The following CNKSR3 variants were observed in gnomAD, a reference collection of about 807,000 sequenced individuals.
CNKSR3 encodes the protein CNKSR family member 3.
A neutral mutation model predicts 67.7 loss-of-function variants in CNKSR3; 36 were observed. The observed-to-expected ratio is 0.53, with a 90% CI of 0.41 to 0.70. CNKSR3 has a LOEUF of 0.70. Among genes scored for constraint, CNKSR3 ranks in the 30% least tolerant of loss-of-function variants. The probability of loss-of-function intolerance (pLI) is 0.00; values close to 1 mark genes in which losing one functional copy is unlikely to be tolerated. For missense variants in CNKSR3, 630 were observed against 695.2 expected (o/e 0.91, Z 1.05); for synonymous variants, 281 against 271.4 (o/e 1.04, Z -0.35).
rs148879132 is a variant in CNKSR3, at chr6:154,478,176, C to T, written c.53-27918G>A. 9.7e-4 allele frequency among the ~76,000 whole-genome samples: 148 copies of T among 152,318 alleles called. 1 individual carries two copies. Among genetic ancestry groups the T allele is most frequent in the Middle Eastern group, 3.4e-3 (1 of 294 alleles). ...AAGGCCTCCCAAAGCTGGCCCGAGG[C>T]CTGCTGGCCAAGCTCCTCCTCCGCC... is the stretch of plus-strand genomic sequence containing the variant. On this transcript the variant is annotated intron_variant, in intron 1 of 12. Coordinates refer to ENST00000607772, the MANE Select transcript of CNKSR3 (RefSeq NM_173515.4).
chr6:154,491,835 G>A lies in CNKSR3; in HGVS notation c.52+18228C>T, dbSNP rs529641233. On this transcript the variant is annotated intron_variant, in intron 1 of 12. Transcript: ENST00000607772. Reference sequence around the variant, plus strand: ...ACCCAGTTCAGGGAGGGCATAACATGTCCCCATTTATCAGATATCTAGTTA... The same window carrying A: ...ACCCAGTTCAGGGAGGGCATAACATATCCCCATTTATCAGATATCTAGTTA... Among the ~76,000 whole-genome samples, 3 of 152,268 alleles carry A rather than the reference G, an allele frequency of 2.0e-5. No homozygotes were observed. In the South Asian group the frequency reaches 6.2e-4, roughly 32 times the overall value.
rs114161873 is a variant in CNKSR3, at chr6:154,479,968, C to A, written c.53-29710G>T. On this transcript the variant is annotated intron_variant, in intron 1 of 12. Coordinates refer to ENST00000607772, the MANE Select transcript of CNKSR3 (RefSeq NM_173515.4). ...ACAGACTGGGGGTTTAACTGCACTGCAGTGGCCCTTGTGGGGCAGGAACAG... is the reference window on the plus strand; with the variant it reads ...ACAGACTGGGGGTTTAACTGCACTGAAGTGGCCCTTGTGGGGCAGGAACAG... 2.3e-3 allele frequency among the ~76,000 whole-genome samples: 354 copies of A among 152,298 alleles called. 3 individuals carry two copies. The highest frequency in any genetic ancestry group is 8.3e-3 in the African/African-American group (343 of 41,550).
intron 1 of CNKSR3, among the ~76,000 whole-genome samples, chr6:154,504,824 G>A (rs1002144366): frequency 1.3e-5 from 2 of 151,706 alleles, no homozygotes; most frequent in Admixed American, 1.3e-4. Flanking sequence ...CTGGGCAACA[G>A]AGTGAGACCC....
intron 2 of CNKSR3, among the ~76,000 whole-genome samples, chr6:154,445,244 T>G (rs913049982): frequency 6.6e-6 from 1 of 152,198 alleles, no homozygotes; most frequent in Non-Finnish European, 1.5e-5. Context: ...TTTCAAAATA[T>G]AAATGAATAT....
intron 1 of CNKSR3, among the ~76,000 whole-genome samples, chr6:154,491,355 G>C (rs944914491): frequency 1.3e-5 from 2 of 152,192 alleles, no homozygotes; most frequent in Non-Finnish European, 2.9e-5. Context: ...TTGACAAACG[G>C]TAGGTACTCA....
intron 1 of CNKSR3, among the ~76,000 whole-genome samples, chr6:154,470,072 G>A (rs1224938673): frequency 6.6e-6 from 1 of 151,320 alleles, no homozygotes; most frequent in East Asian, 1.9e-4. Flanking sequence ...CATTGTTCAA[G>A]GGTCTACTGT....
At chr6:154,461,203 C>G (rs894139042) in intron 1 of CNKSR3, among the ~76,000 whole-genome samples, 1 of 152,028 alleles carries the variant, frequency 6.6e-6, no homozygotes, top group Non-Finnish European at 1.5e-5. Flanking sequence ...AAAGCAAATC[C>G]CAGAGACTAT....
rs747618793 is a variant in CNKSR3, at chr6:154,510,047, C to G, written c.52+16G>C. 10 of 1,613,944 alleles carry G rather than the reference C, an allele frequency of 6.2e-6. No homozygotes were observed. The highest frequency in any genetic ancestry group is 1.3e-5 in the African/African-American group (1 of 74,932). ...CCGAGGCTGGAGGACTCCGGACCCC[C>G]CCAAGGCCCGCGCACCTCTAGTCCA... On this transcript the variant is annotated intron_variant, in intron 1 of 12. Transcript: ENST00000607772.
chr6:154,470,130 C>G (rs1786291233), intron 1 of CNKSR3, among the ~76,000 whole-genome samples: 1 of 150,982 alleles, frequency 6.6e-6, no homozygotes, highest in African/African-American at 2.4e-5. Flanking sequence ...TACCCACGAG[C>G]CATCATTCTT....
intron 3 of CNKSR3, 139 bp downstream of exon 3, chr6:154,441,949 T>A: frequency 1.4e-6 from 1 of 713,930 alleles, no homozygotes; most frequent in Non-Finnish European, 2.2e-6. Flanking sequence ...AATCTACCAC[T>A]GATCGAGGAC....
intron 1 of CNKSR3, among the ~76,000 whole-genome samples, chr6:154,481,106 TTATG>T (rs1431036433): frequency 6.6e-6 from 1 of 152,166 alleles, no homozygotes; most frequent in African/African-American, 2.4e-5. Flanking sequence ...TTTATTTTGC[TTATG>T]TATTTGCTTA....
chr6:154,453,284 AT>A lies in CNKSR3; in HGVS notation c.53-3027del, dbSNP rs150577196. ...CCGAAAAATTCACAGAAGGAGTAGGATTTCAGAAGTAGCTTTAGAACAGTAA... is the reference window on the plus strand; with the variant it reads ...CCGAAAAATTCACAGAAGGAGTAGGATTCAGAAGTAGCTTTAGAACAGTAA... On this transcript the variant is annotated intron_variant, in intron 1 of 12. Transcript: ENST00000607772. Among the ~76,000 whole-genome samples, 502 of 152,338 alleles carry A rather than the reference AT, an allele frequency of 3.3e-3. 3 individuals are homozygous for A. The highest frequency in any genetic ancestry group is 0.01 in the Middle Eastern group (3 of 294).
At chr6:154,499,470 C>T (rs1302420760) in intron 1 of CNKSR3, among the ~76,000 whole-genome samples, 2 of 152,130 alleles carry the variant, frequency 1.3e-5, no homozygotes, top group Admixed American at 1.3e-4. Flanking sequence ...GTCTATGTTC[C>T]CAGGTGAGGC....
In CNKSR3 at chr6:154,422,988, A is replaced by T; in HGVS notation, c.730-5T>A. 1 of 1,589,898 alleles carries T rather than the reference A, an allele frequency of 6.3e-7. No individual in the cohort carries two copies. On this transcript the variant is annotated splice_region_variant and splice_polypyrimidine_tract_variant and intron_variant, in intron 7 of 12. Coordinates refer to ENST00000607772, the MANE Select transcript of CNKSR3 (RefSeq NM_173515.4). ...CTGAGATCTGTCTGCAGGAGACTGT[A>T]CAGAAACAAAATAACCTGCCTTAAT... is the stretch of plus-strand genomic sequence containing the variant.
In CNKSR3 at chr6:154,430,561, T is replaced by C. The variant is rs746478234; in HGVS notation, c.580A>G (p.Thr194Ala). The change falls in exon 6 of 13, where the codon ACA (threonine) becomes GCA (alanine). Residue 194 changes from threonine (T) to alanine (A), a missense_variant. This residue lies in a region of CNKSR3 where 133 missense variants were observed against 190.6 expected (regional missense o/e 0.70). Coordinates refer to ENST00000607772, the MANE Select transcript of CNKSR3 (RefSeq NM_173515.4). ...VKVLNGICDK[T>A]IRSTTDPVMS... Reference sequence around the variant, plus strand: ...ACAGGATCTGTGGTAGATCGGATTGTTTTGTCACAGATGCCATTTAAAACC... The same window carrying C: ...ACAGGATCTGTGGTAGATCGGATTGCTTTGTCACAGATGCCATTTAAAACC... 1 of 1,611,890 alleles carries C rather than the reference T, an allele frequency of 6.2e-7. No individual in the cohort carries two copies. Among genetic ancestry groups the C allele is most frequent in the Non-Finnish European group, 8.5e-7 (1 of 1,179,230 alleles).
chr6:154,421,020 T>C (rs564298545), intron 9 of CNKSR3, among the ~76,000 whole-genome samples: 10 of 152,344 alleles, frequency 6.6e-5, no homozygotes, highest in African/African-American at 2.2e-4. Flanking sequence ...GGTTGGTTTT[T>C]GTTTTTGTTT....
intron 1 of CNKSR3, among the ~76,000 whole-genome samples, chr6:154,505,394 C>T (rs1271670197): frequency 6.6e-6 from 1 of 151,566 alleles, no homozygotes; most frequent in Non-Finnish European, 1.5e-5. Flanking sequence ...CTGCTACCAA[C>T]ACTAGCAGCA....
At chr6:154,497,106 G>A (rs748271250) in intron 1 of CNKSR3, among the ~76,000 whole-genome samples, 1 of 152,110 alleles carries the variant, frequency 6.6e-6, no homozygotes, top group Non-Finnish European at 1.5e-5. Context: ...GGCCAGGCGC[G>A]GTGGCTCACT....
intron 1 of CNKSR3, among the ~76,000 whole-genome samples, chr6:154,452,660 A>G (rs778580626): frequency 6.6e-6 from 1 of 152,252 alleles, no homozygotes; most frequent in Non-Finnish European, 1.5e-5. Flanking sequence ...CACAAAATTC[A>G]TATGTTACAG....
Sources: gnomAD v4.1 joint callset for allele counts (sites outside exome capture counted in the v4.1 genomes callset) on GRCh38, gnomAD v4.1.1 for gene constraint, gnomAD v4.1.1 regional missense constraint, MANE v1.5 for transcripts, NCBI Gene and HGNC (gene_info 2026-07-23, HGNC 2026-07-21) for gene names.